PTPRJ: variants seen among roughly 807,000 people sequenced by gnomAD.
PTPRJ encodes the protein receptor-type tyrosine-protein phosphatase eta.
Under a neutral mutation model 141.3 loss-of-function variants are expected in PTPRJ, and 129 were observed. The observed-to-expected ratio is 0.91, with a 90% confidence interval of 0.79 to 1.06. The LOEUF is 1.06. Ranked by LOEUF, PTPRJ falls within the 50% of genes least tolerant of loss-of-function variation. PTPRJ has a pLI of 0.00. For missense variants in PTPRJ, 1,601 were observed against 1,679.7 expected, an observed-to-expected ratio of 0.95 and a Z score of 0.82; for synonymous variants, 610 against 640.5, an observed-to-expected ratio of 0.95 and a Z score of 0.72.
At chr11:47,991,469 A>G (rs1356844307) in intron 1 of PTPRJ, among the ~76,000 whole-genome samples, 1 of 152,072 alleles carries the variant, frequency 6.6e-6, no homozygotes, top group Non-Finnish European at 1.5e-5. Context: ...TAATTGCGGG[A>G]GACGGGAGGC....
At chr11:48,008,490 C>A (rs1854684226) in intron 1 of PTPRJ, among the ~76,000 whole-genome samples, 3 of 150,832 alleles carry the variant, frequency 2.0e-5, no homozygotes. Context: ...GAACTTCTGA[C>A]CTCGTGATCC....
chr11:48,017,333 G>C (rs1854977906), intron 1 of PTPRJ, among the ~76,000 whole-genome samples: 1 of 152,154 alleles, frequency 6.6e-6, no homozygotes, highest in Non-Finnish European at 1.5e-5. Flanking sequence ...GGCAATAGAA[G>C]CTGGGGCTTG....
At position 48,136,181 on chromosome 11, in the gene PTPRJ, G is replaced by A. The variant is rs769827199; in HGVS notation, c.1758G>A (p.Thr586=). Residue 586 remains threonine, a synonymous_variant, in exon 9 of 25, where the codon ACG becomes ACA. Coordinates refer to ENST00000418331, the MANE Select transcript of PTPRJ (RefSeq NM_002843.4). The stretch of plus-strand genomic sequence containing the variant: ...AGCATGGCTCTAACCACACAAGCAC[G>A]TATGACAAAGCGATTACTCTCCAGG... ...ESKHGSNHTS[T]YDKAITLQGL... is the part of the protein sequence containing the mutation. 9 of 1,614,036 alleles carry A rather than the reference G, an allele frequency of 5.6e-6. No individual in the cohort carries two copies. Among genetic ancestry groups the A allele is most frequent in the South Asian group, 5.5e-5 (5 of 91,086 alleles).
intron 1 of PTPRJ, among the ~76,000 whole-genome samples, chr11:48,091,617 T>G (rs957231493): frequency 1.3e-5 from 2 of 152,194 alleles, no homozygotes; most frequent in African/African-American, 4.8e-5. Flanking sequence ...TTTATGCAAC[T>G]TTTCTTTTCC....
chr11:48,156,108 G>A lies in PTPRJ; in HGVS notation c.3427G>A (p.Glu1143Lys), dbSNP rs1857592952. 1.3e-6 allele frequency: 2 copies of A among 1,589,178 alleles called. No individual in the cohort carries two copies. Among genetic ancestry groups the A allele is most frequent in the Non-Finnish European group, 1.7e-6 (2 of 1,159,162 alleles). The change falls in exon 21 of 25, where the codon GAA becomes AAA. Residue 1143 changes from glutamate (E) to lysine (K), a missense_variant. Physicochemically the swap from Glu to Lys is moderately conservative, Grantham distance 56 (BLOSUM62 1). Transcript: ENST00000418331. ...YAIIMLTKCV[E>K]QGRTKCEEYW... ...CATCATTATGTTGACTAAATGTGTT[G>A]AACAGGGAAGAGTAAGTATCTTTTT... is the stretch of plus-strand genomic sequence containing the variant.
At chr11:48,005,476 C>G (rs532033270) in intron 1 of PTPRJ, among the ~76,000 whole-genome samples, 1 of 152,162 alleles carries the variant, frequency 6.6e-6, no homozygotes, top group Non-Finnish European at 1.5e-5. Flanking sequence ...CTGGCTATTT[C>G]GCCTAGCATA....
chr11:48,144,778 A>G lies in PTPRJ; in HGVS notation c.2679A>G (p.Gly893=). 1 of 1,614,186 alleles carries G rather than the reference A, an allele frequency of 6.2e-7. No homozygotes were observed. The highest frequency in any genetic ancestry group is 1.6e-4 in the Middle Eastern group (1 of 6,062). The change falls in exon 13 of 25, where the codon GGA becomes GGG. Residue 893 remains glycine (G), a synonymous_variant. Coordinates refer to ENST00000418331, the MANE Select transcript of PTPRJ (RefSeq NM_002843.4). ...VTYLIRTEEK[G]RSQSLSEVLK... is the part of the protein sequence containing the mutation. ...ACCTCATAAGAACAGAAGAAAAGGG[A>G]CGTTCTCAGAGCTTGTCTGAAGTTT...
At chr11:48,062,362 A>G (rs1031979895) in intron 1 of PTPRJ, among the ~76,000 whole-genome samples, 31 of 151,990 alleles carry the variant, frequency 2.0e-4, no homozygotes, top group African/African-American at 7.5e-4. Context: ...AAATACAAAT[A>G]ATTAGCTGGG....
intron 2 of PTPRJ, 53 bp downstream of exon 2, chr11:48,110,129 G>A (rs1856402903): frequency 6.4e-7 from 1 of 1,553,286 alleles, no homozygotes; most frequent in African/African-American, 1.4e-5. Context: ...GCCCCCTAAT[G>A]GACACACAGC....
intron 1 of PTPRJ, among the ~76,000 whole-genome samples, chr11:48,096,532 G>T (rs1422882170): frequency 4.6e-5 from 6 of 129,472 alleles, no homozygotes; most frequent in African/African-American, 1.7e-4. Context: ...TCCCACGCCC[G>T]CCCCCACCCC....
chr11:48,060,150 C>T (rs1854880182), intron 1 of PTPRJ, among the ~76,000 whole-genome samples: 1 of 152,086 alleles, frequency 6.6e-6, no homozygotes, highest in Non-Finnish European at 1.5e-5. Flanking sequence ...ATTTTTTCCC[C>T]TCTAGGTCTA....
chr11:48,090,320 A>G (rs1855835140), intron 1 of PTPRJ, among the ~76,000 whole-genome samples: 1 of 152,160 alleles, frequency 6.6e-6, no homozygotes. Flanking sequence ...CTCAGGCTTC[A>G]GGGAGGAAGT....
At chr11:48,123,978 A>C (rs986313501) in intron 5 of PTPRJ, 108 bp downstream of exon 5, 1 of 1,281,412 alleles carries the variant, frequency 7.8e-7, no homozygotes, top group Non-Finnish European at 1.1e-6. Context: ...TTTAGAATTT[A>C]TAAAGGGCTT....
rs1857363210 is a variant in PTPRJ, at chr11:48,146,893, G to A, written c.2929G>A (p.Val977Ile). The change falls in exon 15 of 25, where the codon GTT (valine) becomes ATT (isoleucine). Residue 977 changes from valine (V) to isoleucine (I), a missense_variant. Transcript: ENST00000418331. Reference sequence around the variant, plus strand: ...TTTCTCAGGTGTCATCTGTGGAGCGGTTTTTGGCTGTATCTTTGGTGCCCT... The same window carrying A: ...TTTCTCAGGTGTCATCTGTGGAGCGATTTTTGGCTGTATCTTTGGTGCCCT... The part of the protein sequence containing the change: ...PQDPGVICGA[V>I]FGCIFGALVI... 2.5e-6 allele frequency: 4 copies of A among 1,614,084 alleles called. No individual in the cohort carries two copies. In the South Asian group the frequency reaches 4.4e-5, roughly 18 times the overall value.
intron 3 of PTPRJ, among the ~76,000 whole-genome samples, chr11:48,120,123 A>T (rs977965725): frequency 6.6e-6 from 1 of 152,218 alleles, no homozygotes; most frequent in Non-Finnish European, 1.5e-5. Context: ...TGGTGGTTCA[A>T]TAATAATTCT....
intron 1 of PTPRJ, among the ~76,000 whole-genome samples, chr11:47,991,850 A>T (rs192207753): frequency 6.6e-6 from 1 of 152,318 alleles, no homozygotes; most frequent in African/African-American, 2.4e-5. Flanking sequence ...ATTGCTGTGG[A>T]GGATTAAATG....
intron 1 of PTPRJ, among the ~76,000 whole-genome samples, chr11:48,053,379 AATAT>A (rs1302217225): frequency 1.0e-5 from 1 of 99,716 alleles, no homozygotes; most frequent in African/African-American, 4.5e-5. Flanking sequence ...ATATATATAA[AATAT>A]ATATAAAAAT....
chr11:48,136,929 T>C (rs574684123), intron 9 of PTPRJ, 74 bp from the exon 10 acceptor site: 1 of 1,396,160 alleles, frequency 7.2e-7, no homozygotes, highest in South Asian at 1.4e-5. Flanking sequence ...AGGCTATTTT[T>C]GGATATAGTA....
intron 1 of PTPRJ, among the ~76,000 whole-genome samples, chr11:48,053,548 T>TTA (rs1163088194): frequency 1.5e-5 from 2 of 133,350 alleles, no homozygotes; most frequent in Non-Finnish European, 3.1e-5. Context: ...ATTATATATT[T>TTA]TATATATATA....
Sources: gnomAD v4.1 joint callset for allele counts (sites outside exome capture counted in the v4.1 genomes callset) on GRCh38, gnomAD v4.1.1 for gene constraint, MANE v1.5 for transcripts, NCBI Gene and HGNC (gene_info 2026-07-23, HGNC 2026-07-21) for gene names.